Variants in THADA observed in about 807,000 individuals in gnomAD.
THADA encodes the protein THADA armadillo repeat containing, also known as tRNA (32-2'-O)-methyltransferase regulator THADA.
A neutral mutation model predicts 219.8 loss-of-function variants in THADA; 213 were observed. The observed-to-expected ratio is 0.97, with a 90% CI of 0.87 to 1.09. The LOEUF (loss-of-function observed/expected upper bound fraction) is 1.09, where lower values mean the gene tolerates loss of function less well. Ranked by LOEUF, THADA falls within the 50% of genes least tolerant of loss-of-function variation. The pLI is 0.00. For missense variants in THADA, 2,956 were observed against 2,311.3 expected (o/e 1.28, Z -5.72); for synonymous variants, 1,018 against 828.9 (o/e 1.23, Z -3.92).
At chr2:43,549,603 A>T (rs1250545770) in intron 19 of THADA, among the ~76,000 whole-genome samples, 1 of 152,140 alleles carries the variant, frequency 6.6e-6, no homozygotes, top group African/African-American at 2.4e-5. Context: ...AAACTCACTG[A>T]AACTGTCCAC....
intron 26 of THADA, among the ~76,000 whole-genome samples, chr2:43,478,738 C>T (rs993198786): frequency 6.6e-5 from 10 of 152,168 alleles, no homozygotes; most frequent in Non-Finnish European, 7.4e-5. Context: ...ACGTAAGAGT[C>T]AATATTTAAG....
intron 26 of THADA, among the ~76,000 whole-genome samples, chr2:43,470,527 T>A (rs1684787940): frequency 6.6e-6 from 1 of 152,036 alleles, no homozygotes; most frequent in Non-Finnish European, 1.5e-5. Context: ...GAAAAATGCC[T>A]CCTATAAGCG....
chr2:43,552,454 G>GT (rs776229604), intron 17 of THADA, 115 bp from the exon 18 acceptor site: 264 of 1,125,486 alleles, frequency 2.3e-4, no homozygotes, highest in Non-Finnish European at 3.0e-4. Flanking sequence ...TTACACTAGA[G>GT]TTTTTTAATC....
At chr2:43,435,081 G>A (rs1679896583) in intron 26 of THADA, among the ~76,000 whole-genome samples, 1 of 152,164 alleles carries the variant, frequency 6.6e-6, no homozygotes, top group Admixed American at 6.5e-5. Flanking sequence ...CCCTGCAAGG[G>A]GGACAAGGGA....
At chr2:43,336,270 AT>A (rs1354501557) in intron 30 of THADA, among the ~76,000 whole-genome samples, 13 of 149,338 alleles carry the variant, frequency 8.7e-5, no homozygotes, top group Non-Finnish European at 1.2e-4. Context: ...CAAAAAAACC[AT>A]TTTTTTTTGT....
At chr2:43,544,535 T>A (rs1695762957) in intron 20 of THADA, among the ~76,000 whole-genome samples, 1 of 152,194 alleles carries the variant, frequency 6.6e-6, no homozygotes, top group Non-Finnish European at 1.5e-5. Context: ...TTTCCTTGTA[T>A]CCTCTTTTAT....
intron 22 of THADA, among the ~76,000 whole-genome samples, chr2:43,515,755 C>T (rs1432518402): frequency 2.0e-5 from 3 of 151,996 alleles, no homozygotes; most frequent in Non-Finnish European, 4.4e-5. Context: ...CATTCAAAAG[C>T]ATAGGTAAGA....
intron 22 of THADA, among the ~76,000 whole-genome samples, chr2:43,520,205 T>G (rs773091105): frequency 6.6e-6 from 1 of 152,228 alleles, no homozygotes; most frequent in Non-Finnish European, 1.5e-5. Flanking sequence ...CTTTTGTTAG[T>G]GAATGCCTTT....
intron 17 of THADA, among the ~76,000 whole-genome samples, 159 bp from the exon 18 acceptor site, chr2:43,552,498 G>C (rs1696866803): frequency 1.3e-5 from 2 of 152,058 alleles, no homozygotes; most frequent in Non-Finnish European, 1.5e-5. Flanking sequence ...CCAACAGGGT[G>C]GCTCATTTCT....
chr2:43,340,633 C>CA (rs2104526475), intron 30 of THADA, among the ~76,000 whole-genome samples: 1 of 152,082 alleles, frequency 6.6e-6, no homozygotes, highest in South Asian at 2.1e-4. Context: ...TTTTTCTTTG[C>CA]AAAAACATTA....
intron 28 of THADA, among the ~76,000 whole-genome samples, chr2:43,418,764 G>A (rs1677324511): frequency 6.6e-6 from 1 of 152,174 alleles, no homozygotes; most frequent in Non-Finnish European, 1.5e-5. Context: ...GAGGCAGCGG[G>A]AGGAAGGGGG....
Position 43,571,871 on chromosome 2 carries a change from C to T in THADA, c.1909-9G>A, listed in dbSNP as rs751473545. On this transcript the variant is annotated splice_polypyrimidine_tract_variant and intron_variant, in intron 12 of 37. Coordinates refer to ENST00000405975, the MANE Select transcript of THADA (RefSeq NM_022065.5). Reference sequence around the variant, plus strand: ...AATGTATCTATCCTTACCTAAAAAACATCAAGCAATAAAATGTTAATTTTC... The same window carrying T: ...AATGTATCTATCCTTACCTAAAAAATATCAAGCAATAAAATGTTAATTTTC... 2.5e-6 allele frequency: 4 copies of T among 1,610,216 alleles called. No individual in the cohort carries two copies. Among genetic ancestry groups the T allele is most frequent in the African/African-American group, 1.3e-5 (1 of 74,680 alleles).
rs376293000 is a variant in THADA, at chr2:43,543,994, T to C, written c.3107-2678A>G. On this transcript the variant is annotated intron_variant, in intron 20 of 37. Transcript: ENST00000405975. ...TGCCTAGGTTTTCTTCTAGGGTTTT[T>C]ATGGTTTTAGGTCTAAAGTTTAAGT... is the stretch of plus-strand genomic sequence containing the variant. 3.9e-5 allele frequency among the ~76,000 whole-genome samples: 6 copies of C among 152,314 alleles called. 1 individual carries two copies. Among genetic ancestry groups the C allele is most frequent in the East Asian group, 1.9e-4 (1 of 5,194 alleles).
rs930858883 is a variant in THADA at position 43,586,637 on chromosome 2, G to C, written c.484+65C>G. The C allele has an allele frequency of 1.1e-5, 17 of 1,528,432 alleles. No homozygotes were observed. In the African/African-American group the frequency reaches 2.0e-4, roughly 18 times the overall value. 94.7% of individuals were successfully genotyped at this position (1,528,432 alleles called of 1,614,324 possible). ...ACCTATTACCAAGAAACTTAAAAGA[G>C]CCAGTTCCAAAATGACTCATACAAG... On this transcript the variant is annotated intron_variant, in intron 6 of 37. Coordinates refer to ENST00000405975, the MANE Select transcript of THADA (RefSeq NM_022065.5).
intron 29 of THADA, among the ~76,000 whole-genome samples, chr2:43,369,491 A>C (rs1199783159): frequency 6.6e-6 from 1 of 152,238 alleles, no homozygotes. Context: ...TTAGATCTAA[A>C]AACAATAACT....
chr2:43,293,354 A>G (rs955090391), intron 31 of THADA, 141 bp from the exon 32 acceptor site: 1 of 934,618 alleles, frequency 1.1e-6, no homozygotes, highest in African/African-American at 1.7e-5. Flanking sequence ...GTCATAAGTG[A>G]GTGGCCCTCT....
chr2:43,393,483 G>T (rs1445949025), intron 29 of THADA, among the ~76,000 whole-genome samples: 2 of 152,094 alleles, frequency 1.3e-5, no homozygotes, highest in African/African-American at 4.8e-5. Flanking sequence ...GAGGTTGGGG[G>T]GATCACTTGA....
chr2:43,398,184 C>A, intron 28 of THADA, 45 bp from the exon 29 acceptor site: 1 of 1,586,466 alleles, frequency 6.3e-7, no homozygotes, highest in South Asian at 1.1e-5. Flanking sequence ...GTCATCTCCA[C>A]ATCTGTGACT....
intron 37 of THADA, among the ~76,000 whole-genome samples, chr2:43,231,950 G>A (rs539748698): frequency 6.6e-6 from 1 of 152,260 alleles, no homozygotes; most frequent in East Asian, 1.9e-4. Flanking sequence ...GGATGCTTTT[G>A]CTGCTTGTCT....
Sources: allele counts gnomAD v4.1 joint callset (sites outside exome capture counted in the v4.1 genomes callset), GRCh38; gene constraint gnomAD v4.1.1; transcripts MANE v1.5; gene names NCBI Gene and HGNC (gene_info 2026-07-23, HGNC 2026-07-21).